Variants in MDGA2 observed in about 807,000 individuals in gnomAD.
MDGA2 encodes the protein MAM domain containing glycosylphosphatidylinositol anchor 2.
Under a neutral mutation model 117.8 loss-of-function variants are expected in MDGA2, and 40 were observed. That is an observed-to-expected ratio of 0.34 (90% confidence interval 0.26 to 0.44). The LOEUF (loss-of-function observed/expected upper bound fraction) is 0.44, where lower values mean the gene tolerates loss of function less well. Among genes scored for constraint, MDGA2 ranks in the 20% least tolerant of loss-of-function variants. The pLI, the probability that MDGA2 is intolerant of heterozygous loss-of-function variation, is 1.00. For synonymous variants in MDGA2, 452 were observed against 439.0 expected (o/e 1.03, Z -0.37); for missense variants, 1,123 against 1,250.6 (o/e 0.90, Z 1.54).
In MDGA2 at chr14:47,674,746, C is replaced by CCGGCGG. The variant is rs768335060; in HGVS notation, c.45_50dup (p.Arg16_Arg17dup). 9.5e-6 allele frequency: 7 copies of CCGGCGG among 738,142 alleles called. No homozygotes were observed. Among genetic ancestry groups the CCGGCGG allele is most frequent in the Non-Finnish European group, 1.7e-5 (7 of 415,500 alleles). The allele number at this position is 738,142 out of a possible 1,614,324, so 45.7% of individuals were successfully genotyped here. The stretch of plus-strand genomic sequence containing the variant: ...GGAAGCGCCGTCCGTCTGTCCTTCC[C>CCGGCGG]CGGCGGCGGCGGCGAGCGGAGCGCA... On this transcript the variant is annotated inframe_insertion, in exon 1 of 17. Coordinates refer to ENST00000399232, the MANE Select transcript of MDGA2 (RefSeq NM_001113498.3).
intron 1 of MDGA2, among the ~76,000 whole-genome samples, chr14:47,409,403 T>C (rs1004748097): frequency 2.6e-5 from 4 of 152,240 alleles, no homozygotes; most frequent in Admixed American, 6.5e-5. Context: ...ATAGCATTCC[T>C]AGATGGCTTC....
intron 2 of MDGA2, among the ~76,000 whole-genome samples, chr14:47,219,753 G>A (rs1314268904): frequency 6.6e-6 from 1 of 151,860 alleles, no homozygotes; most frequent in Non-Finnish European, 1.5e-5. Flanking sequence ...AATACAAAAT[G>A]TATTATTAAG....
chr14:47,184,901 T>A lies in MDGA2; in HGVS notation c.595+33120A>T, dbSNP rs922980703. On this transcript the variant is annotated intron_variant, in intron 3 of 16. Transcript: ENST00000399232. ...AATTTTAGTTGTTAAAATATAAAAA[T>A]AGAATGTGTGAATTTAAAACCCATT... Among the ~76,000 whole-genome samples the A allele has an allele frequency of 1.3e-3, 191 of 150,804 alleles. 1 individual carries two copies. Among genetic ancestry groups the A allele is most frequent in the Non-Finnish European group, 2.2e-3 (145 of 67,364 alleles).
At chr14:47,463,208 A>G (rs965955818) in intron 1 of MDGA2, among the ~76,000 whole-genome samples, 1 of 152,228 alleles carries the variant, frequency 6.6e-6, no homozygotes, top group East Asian at 1.9e-4. Flanking sequence ...TATTAAAATT[A>G]CTTTATTTCC....
chr14:47,478,822 G>A (rs998539978), intron 1 of MDGA2, among the ~76,000 whole-genome samples: 11 of 152,198 alleles, frequency 7.2e-5, no homozygotes, highest in Non-Finnish European at 1.2e-4. Context: ...GACAGATCAC[G>A]CTAAATAGAT....
chr14:47,332,457 C>T, intron 1 of MDGA2, among the ~76,000 whole-genome samples: 1 of 151,758 alleles, frequency 6.6e-6, no homozygotes, highest in East Asian at 1.9e-4. Context: ...AACTATAACC[C>T]TATCAGAAAA....
intron 3 of MDGA2, among the ~76,000 whole-genome samples, chr14:47,183,393 C>T (rs888688737): frequency 3.3e-5 from 5 of 152,156 alleles, no homozygotes; most frequent in South Asian, 4.1e-4. Flanking sequence ...CACATTATAG[C>T]GAGAAAGAGC....
At chr14:47,364,048 C>T (rs530704430) in intron 1 of MDGA2, among the ~76,000 whole-genome samples, 5 of 151,884 alleles carry the variant, frequency 3.3e-5, no homozygotes, top group Admixed American at 6.6e-5. Context: ...AAAAGAGGAC[C>T]TACACCAAAT....
At chr14:47,537,445 T>TA (rs1566504265) in intron 1 of MDGA2, among the ~76,000 whole-genome samples, 1 of 151,122 alleles carries the variant, frequency 6.6e-6, no homozygotes, top group Non-Finnish European at 1.5e-5. Flanking sequence ...CCCTAAAACT[T>TA]AGAGTATAAT....
At chr14:46,842,149 T>C (rs1314694861) in intron 16 of MDGA2, 130 bp from the exon 17 acceptor site, 1 of 609,578 alleles carries the variant, frequency 1.6e-6, no homozygotes, top group Non-Finnish European at 2.8e-6. Context: ...TTTATTTTTA[T>C]TTTGTTTTAT....
At chr14:47,277,666 A>G (rs906514328) in intron 2 of MDGA2, among the ~76,000 whole-genome samples, 4 of 152,148 alleles carry the variant, frequency 2.6e-5, no homozygotes, top group Admixed American at 6.5e-5. Context: ...GGTCACTTGG[A>G]CCTAATCTAC....
chr14:47,588,243 T>G (rs1294693161), intron 1 of MDGA2, among the ~76,000 whole-genome samples: 9 of 83,312 alleles, frequency 1.1e-4, no homozygotes, highest in South Asian at 8.1e-4. Flanking sequence ...GATAGATATA[T>G]ATATATATAT....
Position 47,096,844 on chromosome 14 carries a change from G to A in MDGA2, c.1195+10C>T, listed in dbSNP as rs2138976288. The stretch of plus-strand genomic sequence containing the variant: ...GAATCTACGTTGTAACATTCTTTCA[G>A]CAAACTTACCTCTCACAATGATGTT... On this transcript the variant is annotated intron_variant, in intron 6 of 16. Coordinates refer to ENST00000399232, the MANE Select transcript of MDGA2 (RefSeq NM_001113498.3). The A allele has an allele frequency of 6.2e-7, 1 of 1,610,042 alleles. No homozygotes were observed. Among genetic ancestry groups the A allele is most frequent in the Admixed American group, 1.7e-5 (1 of 59,814 alleles).
chr14:47,114,557 G>A (rs887954626), intron 5 of MDGA2, among the ~76,000 whole-genome samples: 1 of 151,930 alleles, frequency 6.6e-6, no homozygotes, highest in South Asian at 2.1e-4. Context: ...CAGCAGGGTA[G>A]TGGTACAAAA....
At chr14:47,148,762 C>T (rs1384142265) in intron 3 of MDGA2, among the ~76,000 whole-genome samples, 3 of 152,156 alleles carry the variant, frequency 2.0e-5, no homozygotes, top group Admixed American at 6.5e-5. Context: ...TTTCAGTCAA[C>T]GAGCTCAAAA....
chr14:47,538,020 A>C lies in MDGA2; in HGVS notation c.280+136497T>G, dbSNP rs530799830. 1.4e-4 allele frequency among the ~76,000 whole-genome samples: 21 copies of C among 152,346 alleles called. No homozygotes were observed. In the East Asian group the frequency reaches 3.7e-3, roughly 27 times the overall value. ...CTAAATGCAAAGTAATTCTACCAGC[A>C]CTGATGTTTAAGACAATACAGATTC... On this transcript the variant is annotated intron_variant, in intron 1 of 16. Coordinates refer to ENST00000399232, the MANE Select transcript of MDGA2 (RefSeq NM_001113498.3).
At chr14:46,882,743 T>A (rs989403868) in intron 10 of MDGA2, among the ~76,000 whole-genome samples, 1 of 151,630 alleles carries the variant, frequency 6.6e-6, no homozygotes, top group Non-Finnish European at 1.5e-5. Flanking sequence ...ATATGTACAA[T>A]AGAGAAAAAT....
At chr14:46,852,426 G>A (rs1238617099) in intron 15 of MDGA2, among the ~76,000 whole-genome samples, 1 of 151,736 alleles carries the variant, frequency 6.6e-6, no homozygotes, top group Non-Finnish European at 1.5e-5. Context: ...CTGAGTTGAG[G>A]AGATGAGAGT....
chr14:47,590,173 C>A (rs1028588014), intron 1 of MDGA2, among the ~76,000 whole-genome samples: 1 of 151,746 alleles, frequency 6.6e-6, no homozygotes, highest in Admixed American at 6.6e-5. Context: ...ATCTAGATAC[C>A]ATTTCTTTCT....
Sources: gnomAD v4.1 joint callset for allele counts (sites outside exome capture counted in the v4.1 genomes callset) on GRCh38, gnomAD v4.1.1 for gene constraint, MANE v1.5 for transcripts, NCBI Gene and HGNC (gene_info 2026-07-23, HGNC 2026-07-21) for gene names.